MTA3: variants seen among roughly 807,000 people sequenced by gnomAD.
MTA3 encodes metastasis-associated protein MTA3.
A neutral mutation model predicts 83.5 loss-of-function variants in MTA3; 34 were observed. The observed-to-expected ratio is 0.41, with a 90% confidence interval of 0.31 to 0.54. The LOEUF is 0.54. MTA3 is among the 20% of genes least tolerant of loss of function. The pLI is 0.33. For missense variants in MTA3, 761 were observed against 726.4 expected (o/e 1.05, Z -0.55); for synonymous variants, 303 against 252.7 (o/e 1.20, Z -1.89).
At chr2:42,716,224 G>T (rs1014036318) in intron 14 of MTA3, among the ~76,000 whole-genome samples, 2 of 152,160 alleles carry the variant, frequency 1.3e-5, no homozygotes, top group Non-Finnish European at 2.9e-5. Context: ...CTTGTCAGTG[G>T]TTGCATAATA....
rs183578626 is a variant in MTA3 at position 42,555,352 on chromosome 2, G to A, written c.-140-15085G>A. Among the ~76,000 whole-genome samples the A allele has an allele frequency of 5.1e-4, 77 of 150,576 alleles. No individual in the cohort carries two copies. In the East Asian group the frequency reaches 0.011, roughly 22 times the overall value. ...TGCCTGTAATCCCAGCTACTCGGGA[G>A]GCTGAGGCAGGAGAATTGCTTGAAC... On this transcript the variant is annotated intron_variant, in intron 2 of 17. Transcript: ENST00000405592.
chr2:42,619,259 A>G (rs1341194512), intron 4 of MTA3, among the ~76,000 whole-genome samples: 1 of 152,178 alleles, frequency 6.6e-6, no homozygotes, highest in Non-Finnish European at 1.5e-5. Context: ...ACTCAGAAAG[A>G]GCACTCATGA....
intron 8 of MTA3, among the ~76,000 whole-genome samples, chr2:42,677,491 T>G (rs1691482757): frequency 6.6e-6 from 1 of 152,140 alleles, no homozygotes; most frequent in Non-Finnish European, 1.5e-5. Context: ...TACAGGCATG[T>G]GCCACCATGC....
In MTA3 at chr2:42,515,736, C is replaced by T. The variant is rs543773076; in HGVS notation, c.-141+20482C>T. ...CAGGCTGGTCTCGAACTCCCGACCT[C>T]GTGATTCGCCCACCTCGGCCTCCCA... is the stretch of plus-strand genomic sequence containing the variant. On this transcript the variant is annotated intron_variant, in intron 2 of 17. Coordinates refer to the MTA3 transcript ENST00000405592. Among the ~76,000 whole-genome samples, 9 of 151,410 alleles carry T rather than the reference C, an allele frequency of 5.9e-5. No homozygotes were observed. In the East Asian group the frequency reaches 1.2e-3, roughly 20 times the overall value.
intron 8 of MTA3, among the ~76,000 whole-genome samples, chr2:42,678,129 C>G (rs1211069537): frequency 6.6e-6 from 1 of 151,168 alleles, no homozygotes; most frequent in East Asian, 1.9e-4. Context: ...GAACCAAGAT[C>G]AATTCTTGTG....
chr2:42,654,449 C>T (rs1288437667), intron 6 of MTA3, among the ~76,000 whole-genome samples: 1 of 152,186 alleles, frequency 6.6e-6, no homozygotes, highest in African/African-American at 2.4e-5. Flanking sequence ...CATTAAAGAG[C>T]TTTTATTCTA....
chr2:42,699,227 G>A (rs1693646066), intron 11 of MTA3, among the ~76,000 whole-genome samples: 1 of 152,116 alleles, frequency 6.6e-6, no homozygotes, highest in Non-Finnish European at 1.5e-5. Flanking sequence ...TGTGAGATGA[G>A]GTCTTGCTCT....
chr2:42,568,624 T>TC (rs1325523706), upstream of MTA3: 10 of 301,190 alleles, frequency 3.3e-5, no homozygotes, highest in East Asian at 1.4e-4. Context: ...TTCCCTCCCT[T>TC]CCCCCCCGTG....
intron 3 of MTA3, among the ~76,000 whole-genome samples, chr2:42,590,978 T>A (rs1224450680): frequency 6.6e-6 from 1 of 152,154 alleles, no homozygotes; most frequent in African/African-American, 2.4e-5. Flanking sequence ...TTAGGGTATT[T>A]TTCATCGTTT....
intron 16 of MTA3, among the ~76,000 whole-genome samples, chr2:42,731,522 T>C (rs1279899152): frequency 6.6e-6 from 1 of 152,122 alleles, no homozygotes; most frequent in East Asian, 1.9e-4. Context: ...AATAAACCCA[T>C]CAGATCTCGT....
intron 2 of MTA3, among the ~76,000 whole-genome samples, chr2:42,495,575 G>A (rs1674094065): frequency 6.6e-6 from 1 of 152,084 alleles, no homozygotes; most frequent in Non-Finnish European, 1.5e-5. Flanking sequence ...CCATGAGTTG[G>A]CACAGAGAAA....
intron 6 of MTA3, among the ~76,000 whole-genome samples, chr2:42,645,984 G>A (rs1030103876): frequency 2.5e-4 from 38 of 152,312 alleles, no homozygotes; most frequent in African/African-American, 7.5e-4. Flanking sequence ...TCTCTGATTA[G>A]TGACTAATGT....
chr2:42,500,889 C>T (rs1230644093), intron 2 of MTA3, among the ~76,000 whole-genome samples: 2 of 150,958 alleles, frequency 1.3e-5, no homozygotes, highest in Non-Finnish European at 2.9e-5. Context: ...CGGCTCACTG[C>T]AAGCTCTGCC....
At chr2:42,548,387 G>A (rs1261396484) in intron 2 of MTA3, among the ~76,000 whole-genome samples, 1 of 152,052 alleles carries the variant, frequency 6.6e-6, no homozygotes, top group Non-Finnish European at 1.5e-5. Context: ...AATTGCTTGA[G>A]CCTGGGAGGC....
intron 3 of MTA3, among the ~76,000 whole-genome samples, chr2:42,581,393 A>G (rs10193864): frequency 0.76 from 104,567 of 138,280 alleles, 39,526 homozygotes; most frequent in Middle Eastern, 0.88. Flanking sequence ...TTTCGGAGAC[A>G]GGGTCTTGCT....
intron 2 of MTA3, among the ~76,000 whole-genome samples, chr2:42,551,186 T>G (rs7584524): frequency 0.78 from 119,145 of 151,850 alleles, 47,440 homozygotes; most frequent in African/African-American, 0.92. Context: ...TCTTTTTTTT[T>G]TTTGTTTGTT....
rs58288129 is a variant in MTA3 at position 42,524,472 on chromosome 2, G to GTTTTTTTTTTTT, written c.-141+29231_-141+29242dup. ...CCCGCCACCACGCCTGGCTAGTTGTGTTTTTTTTTTTTTTTTTTTTTTTTG... is the reference window on the plus strand; with the variant it reads ...CCCGCCACCACGCCTGGCTAGTTGTGTTTTTTTTTTTTTTTTTTTTTTTTTTTTTTTTTTTTG... On this transcript the variant is annotated intron_variant, in intron 2 of 17. Coordinates refer to the MTA3 transcript ENST00000405592. 1.8e-3 allele frequency among the ~76,000 whole-genome samples: 126 copies of GTTTTTTTTTTTT among 70,654 alleles called. 1 individual carries two copies. Among genetic ancestry groups the GTTTTTTTTTTTT allele is most frequent in the East Asian group, 3.1e-3 (7 of 2,252 alleles). The allele number at this position is 70,654 out of a possible 152,430, so 46.4% of individuals were successfully genotyped here.
chr2:42,681,462 C>T (rs140220419), intron 8 of MTA3, among the ~76,000 whole-genome samples: 17 of 152,304 alleles, frequency 1.1e-4, no homozygotes, highest in African/African-American at 3.6e-4. Context: ...TCAAGAATGG[C>T]TGTGCTGTGT....
At chr2:42,557,288 A>G (rs1438428738) in intron 2 of MTA3, among the ~76,000 whole-genome samples, 1 of 151,766 alleles carries the variant, frequency 6.6e-6, no homozygotes, top group East Asian at 1.9e-4. Context: ...CAATATAAAT[A>G]AATAAAAATT....
Sources: allele counts gnomAD v4.1 joint callset (sites outside exome capture counted in the v4.1 genomes callset), GRCh38; gene constraint gnomAD v4.1.1; transcripts MANE v1.5; gene names NCBI Gene and HGNC (gene_info 2026-07-23, HGNC 2026-07-21).